SCGB1C2: variants seen among roughly 807,000 people sequenced by gnomAD.
SCGB1C2 encodes secretoglobin family 1C member 2.
A neutral mutation model predicts 8.4 loss-of-function variants in SCGB1C2; 3 were observed. The observed-to-expected ratio is 0.36, with a 90% CI of 0.16 to 0.92. The LOEUF (loss-of-function observed/expected upper bound fraction) is 0.92. SCGB1C2 is among the 40% of genes least tolerant of loss of function. The probability of loss-of-function intolerance (pLI) is 0.45; values close to 1 mark genes in which losing one functional copy is unlikely to be tolerated. For synonymous variants in SCGB1C2, 18 were observed against 44.9 expected (o/e 0.40, Z 2.39); for missense variants, 54 against 105.7 (o/e 0.51, Z 2.14).
chr17:137,841 A>AAAG (rs2039963013), intron 1 of SCGB1C2, among the ~76,000 whole-genome samples, 196 bp downstream of exon 1: 1 of 116,868 alleles, frequency 8.6e-6, no homozygotes, highest in Non-Finnish European at 1.8e-5. Flanking sequence ...CAGCTGACCC[A>AAAG]ACACCAGCCC....
At position 138,390 on chromosome 17, in the gene SCGB1C2, G is replaced by A. The variant is rs1219871376; in HGVS notation, c.243G>A (p.Leu81=). The change falls in exon 2 of 3, where the codon CTG becomes CTA. Residue 81 remains leucine, a synonymous_variant. Transcript: ENST00000595228. Reference sequence around the variant, plus strand: ...TGCAGCCAATGCACAAGGCGGAGCTGGTCAAGCTGCTGGTATGAGGGCGGC... The same window carrying A: ...TGCAGCCAATGCACAAGGCGGAGCTAGTCAAGCTGCTGGTATGAGGGCGGC... ...DGLQPMHKAE[L]VKLLVQVLGS... is the part of the protein sequence containing the mutation. 3 of 1,609,284 alleles carry A rather than the reference G, an allele frequency of 1.9e-6. No homozygotes were observed. The African/African-American group carries it at 4.0e-5, about 22-fold the overall frequency.
chr17:137,685 C>CG (rs1460561472), intron 1 of SCGB1C2, 40 bp downstream of exon 1: 59 of 351,570 alleles, frequency 1.7e-4, no homozygotes, highest in Middle Eastern at 4.3e-4. Flanking sequence ...CATTCAGGGG[C>CG]GGGGGGGAGT....
rs2151452774 is a variant in SCGB1C2, at chr17:138,324, C to T, written c.177C>T (p.Ala59=). The T allele has an allele frequency of 6.2e-7, 1 of 1,611,134 alleles. No individual in the cohort carries two copies. The highest frequency in any genetic ancestry group is 1.7e-5 in the Admixed American group (1 of 59,734). Residue 59 remains alanine, a synonymous_variant, in exon 2 of 3, where the codon GCC becomes GCT. Coordinates refer to ENST00000595228, the MANE Select transcript of SCGB1C2 (RefSeq NM_001097610.3). ...TLGKYNVNED[A]KAAMTELKSC... is the part of the protein sequence containing the mutation. Reference sequence around the variant, plus strand: ...GCAAGTACAATGTCAACGAAGATGCCAAGGCAGCAATGACTGAACTCAAGT... The same window carrying T: ...GCAAGTACAATGTCAACGAAGATGCTAAGGCAGCAATGACTGAACTCAAGT...
At position 138,822 on chromosome 17, in the gene SCGB1C2, C is replaced by T. The variant is rs1375619573; in HGVS notation, c.256-88C>T. ...AGGCAGCAATATGCCAGACCCCCCC[C>T]CCACTGAGGGCCTTGCTTGCCTGAT... On this transcript the variant is annotated intron_variant, in intron 2 of 2. Transcript: ENST00000595228. 6.0e-6 allele frequency: 4 copies of T among 665,028 alleles called. No homozygotes were observed. In the East Asian group the frequency reaches 8.3e-5, roughly 14 times the overall value. The allele number at this position is 665,028 out of a possible 1,614,324, so 41.2% of individuals were successfully genotyped here. A position where few individuals can be genotyped will look rare whatever the true frequency, so the allele number is the denominator to read the frequency against.
At chr17:138,824 C>T (rs1414351276) in intron 2 of SCGB1C2, 86 bp from the exon 3 acceptor site, 1 of 626,842 alleles carries the variant, frequency 1.6e-6, no homozygotes, top group South Asian at 1.7e-5. Context: ...ACCCCCCCCC[C>T]ACTGAGGGCC....
In SCGB1C2 at chr17:138,328, G is replaced by A; in HGVS notation, c.181G>A (p.Ala61Thr). 1.9e-6 allele frequency: 3 copies of A among 1,611,804 alleles called. No individual in the cohort carries two copies. The highest frequency in any genetic ancestry group is 2.5e-6 in the Non-Finnish European group (3 of 1,179,430). ...GKYNVNEDAK[A>T]AMTELKSCRD... ...GTACAATGTCAACGAAGATGCCAAG[G>A]CAGCAATGACTGAACTCAAGTCCTG... The change falls in exon 2 of 3, where the codon GCA becomes ACA. Residue 61 changes from alanine (A) to threonine (T), a missense_variant. Around this residue, in one of 2 missense-constraint regions of SCGB1C2, gnomAD observed 54 missense variants for 68.0 expected, o/e 0.79. Transcript: ENST00000595228.
intron 2 of SCGB1C2, among the ~76,000 whole-genome samples, chr17:138,709 C>G (rs1400129666): frequency 1.3e-5 from 1 of 75,946 alleles, no homozygotes; most frequent in Non-Finnish European, 2.8e-5. Flanking sequence ...ACGTTCACAC[C>G]CACATGCTCA....
Sources: gnomAD v4.1 joint callset for allele counts (sites outside exome capture counted in the v4.1 genomes callset) on GRCh38, gnomAD v4.1.1 for gene constraint, gnomAD v4.1.1 regional missense constraint, MANE v1.5 for transcripts, NCBI Gene and HGNC (gene_info 2026-07-23, HGNC 2026-07-21) for gene names.